Variants in CFAP95 observed in about 807,000 individuals in gnomAD.
CFAP95 encodes cilia and flagella associated protein 95, also known as cilia- and flagella-associated protein 95.
chr9:69,905,817 T>C, the CFAP95 span: 1 of 624,032 alleles, frequency 1.6e-6, no homozygotes, highest in Non-Finnish European at 2.4e-6. Flanking sequence ...ACATTTGCTA[T>C]TTGAGAGAAC....
the CFAP95 span, among the ~76,000 whole-genome samples, chr9:69,835,192 G>T: frequency 6.6e-6 from 1 of 152,092 alleles, no homozygotes; most frequent in Non-Finnish European, 1.5e-5. Context: ...AATAGCTAAC[G>T]GCATGGTTGT....
At chr9:69,853,838 GCC>G in the CFAP95 span, among the ~76,000 whole-genome samples, 4 of 152,142 alleles carry the variant, frequency 2.6e-5, no homozygotes, top group Admixed American at 6.5e-5. Context: ...TTTCTGCTCT[GCC>G]ATCCTTGGGT....
At chr9:69,838,677 A>G in the CFAP95 span, among the ~76,000 whole-genome samples, 1 of 151,918 alleles carries the variant, frequency 6.6e-6, no homozygotes, top group Admixed American at 6.6e-5. Context: ...GTCGTCTGCA[A>G]ACTGGGACAA....
the CFAP95 span, among the ~76,000 whole-genome samples, chr9:69,830,099 G>A: frequency 6.6e-6 from 1 of 152,120 alleles, no homozygotes; most frequent in African/African-American, 2.4e-5. Flanking sequence ...TCTCTTTGTG[G>A]GTTTGCTTCA....
the CFAP95 span, among the ~76,000 whole-genome samples, chr9:69,890,985 A>G: frequency 6.6e-6 from 1 of 152,322 alleles, no homozygotes; most frequent in East Asian, 1.9e-4. Flanking sequence ...CTGGATGTTT[A>G]TTATAGCTCA....
chr9:69,905,464 G>T, the CFAP95 span, among the ~76,000 whole-genome samples: 1 of 152,250 alleles, frequency 6.6e-6, no homozygotes, highest in Non-Finnish European at 1.5e-5. Flanking sequence ...ACTACACTGG[G>T]TTATGTTGAG....
At chr9:69,857,455 C>T in the CFAP95 span, among the ~76,000 whole-genome samples, 2 of 152,146 alleles carry the variant, frequency 1.3e-5, no homozygotes, top group Admixed American at 1.3e-4. Context: ...TTACAAAGTT[C>T]ATAAAAGTTG....
the CFAP95 span, among the ~76,000 whole-genome samples, chr9:69,888,423 A>G: frequency 1.2e-4 from 18 of 152,166 alleles, no homozygotes; most frequent in Non-Finnish European, 1.0e-4. Flanking sequence ...CCCTAGAGAA[A>G]TGAGCAAAGG....
At chr9:69,824,672 T>A in the CFAP95 span, among the ~76,000 whole-genome samples, 1 of 152,078 alleles carries the variant, frequency 6.6e-6, no homozygotes, top group African/African-American at 2.4e-5. Flanking sequence ...AATGCATGCA[T>A]TAGAAAGCTT....
At chr9:69,898,596 C>T in the CFAP95 span, among the ~76,000 whole-genome samples, 1 of 152,146 alleles carries the variant, frequency 6.6e-6, no homozygotes, top group South Asian at 2.1e-4. Context: ...ATGTGTATCT[C>T]CTAAAAATAA....
At chr9:69,824,483 A>G in the CFAP95 span, among the ~76,000 whole-genome samples, 28 of 152,328 alleles carry the variant, frequency 1.8e-4, no homozygotes, top group Non-Finnish European at 3.8e-4. Flanking sequence ...AGGTCAAACA[A>G]AGCAAGCAAC....
chr9:69,882,403 T>C, the CFAP95 span, among the ~76,000 whole-genome samples: 1 of 152,246 alleles, frequency 6.6e-6, no homozygotes, highest in African/African-American at 2.4e-5. Flanking sequence ...CAAGGATAAT[T>C]TGACTTCTTC....
the CFAP95 span, among the ~76,000 whole-genome samples, chr9:69,857,033 A>C: frequency 6.6e-6 from 1 of 151,700 alleles, no homozygotes; most frequent in African/African-American, 2.4e-5. Flanking sequence ...GTTCACCTGT[A>C]AAATGGGAAT....
At chr9:69,864,962 T>G in the CFAP95 span, among the ~76,000 whole-genome samples, 1 of 152,270 alleles carries the variant, frequency 6.6e-6, no homozygotes, top group East Asian at 1.9e-4. Context: ...GATGATATGG[T>G]AGGCTTTGTG....
chr9:69,862,143 A>G, the CFAP95 span, among the ~76,000 whole-genome samples: 2 of 152,240 alleles, frequency 1.3e-5, no homozygotes, highest in Non-Finnish European at 2.9e-5. Flanking sequence ...TCCTGAGTTA[A>G]TAGATTAATT....
At chr9:69,820,990 C>A in the CFAP95 span, 22 of 1,613,848 alleles carry the variant, frequency 1.4e-5, no homozygotes, top group East Asian at 4.9e-4. Context: ...CCCTCCGCTC[C>A]CATCACAAGA....
At chr9:69,852,933 C>T in the CFAP95 span, among the ~76,000 whole-genome samples, 2 of 152,204 alleles carry the variant, frequency 1.3e-5, no homozygotes, top group African/African-American at 4.8e-5. Flanking sequence ...TTGCTCCTCA[C>T]TGCCTTCTGC....
the CFAP95 span, chr9:69,906,012 C>G: frequency 6.2e-7 from 1 of 1,612,362 alleles, no homozygotes; most frequent in South Asian, 1.1e-5. Context: ...TCTCAGTTCA[C>G]GGATCTAAAT....
At chr9:69,896,947 A>C in the CFAP95 span, among the ~76,000 whole-genome samples, 1 of 152,166 alleles carries the variant, frequency 6.6e-6, no homozygotes, top group African/African-American at 2.4e-5. Flanking sequence ...AGTGAAGTAA[A>C]TGAACGAGGG....
Sources: allele counts gnomAD v4.1 joint callset (sites outside exome capture counted in the v4.1 genomes callset), GRCh38; gene constraint gnomAD v4.1.1; transcripts MANE v1.5; gene names NCBI Gene and HGNC (gene_info 2026-07-23, HGNC 2026-07-21).